The following EPS8 variants were observed in gnomAD, a reference collection of about 807,000 sequenced individuals.
The protein encoded by EPS8 is epidermal growth factor receptor kinase substrate 8.
In EPS8, 42 loss-of-function variants were observed where a neutral mutation model predicts 103.8. The observed-to-expected ratio is 0.40, with a 90% CI of 0.32 to 0.52. EPS8 has a LOEUF of 0.52. EPS8 is among the 20% of genes least tolerant of loss of function. EPS8 has a pLI of 0.40. For missense variants in EPS8, 969 were observed against 1,005.1 expected (o/e 0.96, Z 0.49); for synonymous variants, 344 against 344.6 (o/e 1.00, Z 0.02).
chr12:15,764,089 G>A lies in EPS8; in HGVS notation c.-22+25072C>T, dbSNP rs1591927668. On this transcript the variant is annotated intron_variant, in intron 1 of 20. Transcript: ENST00000281172. The surrounding 1 kb of genome is among the most constrained non-coding windows in gnomAD (Gnocchi z 4.1). ...ATGGACTCACAGTTCCACATGGCTA[G>A]GGAGGCCTCATAATCATGTCCAAAG... 1.3e-5 allele frequency among the ~76,000 whole-genome samples: 2 copies of A among 152,148 alleles called. No homozygotes were observed. The highest frequency in any genetic ancestry group is 2.1e-4 in the South Asian group (1 of 4,830).
At chr12:15,656,958 C>T (rs978161072) in intron 12 of EPS8, among the ~76,000 whole-genome samples, 4 of 152,072 alleles carry the variant, frequency 2.6e-5, no homozygotes, top group African/African-American at 9.7e-5. Context: ...GTCCAAGCAC[C>T]ATAATCCCCC....
chr12:15,680,329 A>G (rs1945982940), intron 3 of EPS8, among the ~76,000 whole-genome samples: 1 of 152,160 alleles, frequency 6.6e-6, no homozygotes, highest in Non-Finnish European at 1.5e-5. Flanking sequence ...ATAGCACATA[A>G]TATCGATAAT....
In EPS8 at chr12:15,702,418, A is replaced by G. The variant is rs771314316; in HGVS notation, c.-21-19446T>C. Among the ~76,000 whole-genome samples, 6 of 152,124 alleles carry G rather than the reference A, an allele frequency of 3.9e-5. No homozygotes were observed. The highest frequency in any genetic ancestry group is 6.5e-5 in the Admixed American group (1 of 15,278). ...TAGGAAGCACTTTTAAACTACAAAC[A>G]CTTCTGGGAGTAATAATGTATTATG... On this transcript the variant is annotated intron_variant, in intron 1 of 20. Transcript: ENST00000281172. This position sits in a 1 kb window ranked among gnomAD's most constrained non-coding sequence, Gnocchi z 5.1.
intron 17 of EPS8, among the ~76,000 whole-genome samples, chr12:15,634,494 T>C (rs911937669): frequency 1.3e-5 from 2 of 152,204 alleles, no homozygotes; most frequent in African/African-American, 4.8e-5. Context: ...AAGATCCTGA[T>C]TCATACAAGA....
chr12:15,660,295 C>A (rs1225028026), intron 10 of EPS8, among the ~76,000 whole-genome samples: 1 of 146,006 alleles, frequency 6.8e-6, no homozygotes, highest in Non-Finnish European at 1.5e-5. Context: ...TTTTTTTTGA[C>A]ATGGAGTTTC....
chr12:15,760,866 A>G lies in EPS8; in HGVS notation c.-22+28295T>C, dbSNP rs904991101. On this transcript the variant is annotated intron_variant, in intron 1 of 20. Coordinates refer to ENST00000281172, the MANE Select transcript of EPS8 (RefSeq NM_004447.6). The surrounding 1 kb of genome is among the most constrained non-coding windows in gnomAD (Gnocchi z 4.5). ...TCATATTGAATGGGGAAAACCTGAT[A>G]AGCCTTTCCTCTAAGATCTGGCACA... Among the ~76,000 whole-genome samples, 1 of 152,108 alleles carries G rather than the reference A, an allele frequency of 6.6e-6. No homozygotes were observed. Among genetic ancestry groups the G allele is most frequent in the African/African-American group, 2.4e-5 (1 of 41,444 alleles).
intron 18 of EPS8, among the ~76,000 whole-genome samples, chr12:15,626,693 G>A (rs1416802161): frequency 1.3e-5 from 2 of 149,330 alleles, no homozygotes; most frequent in East Asian, 3.9e-4. Context: ...ACATTCCCAA[G>A]TGATCCTAAT....
In EPS8 at chr12:15,759,749, T is replaced by G. The variant is rs184611589; in HGVS notation, c.-22+29412A>C. ...TCAATGAAGAAACTAAGAAGGAAAT[T>G]GAAGAATTTCTTGAAACAAATGATA... On this transcript the variant is annotated intron_variant, in intron 1 of 20. Transcript: ENST00000281172. This position sits in a 1 kb window ranked among gnomAD's most constrained non-coding sequence, Gnocchi z 4.9. Among the ~76,000 whole-genome samples, 374 of 152,104 alleles carry G rather than the reference T, an allele frequency of 2.5e-3. 2 individuals are homozygous for G. Among genetic ancestry groups the G allele is most frequent in the African/African-American group, 8.7e-3 (362 of 41,546 alleles).
rs912395636 is a variant in EPS8, at chr12:15,745,080, C to A, written c.-22+44081G>T. Among the ~76,000 whole-genome samples the A allele has an allele frequency of 1.3e-5, 2 of 152,114 alleles. No homozygotes were observed. Among genetic ancestry groups the A allele is most frequent in the African/African-American group, 2.4e-5 (1 of 41,432 alleles). ...GTTTCACCACGTTGGACAGGATGGT[C>A]TCGATCTCCTGACCTCGTGATCCAC... On this transcript the variant is annotated intron_variant, in intron 1 of 20. Coordinates refer to ENST00000281172, the MANE Select transcript of EPS8 (RefSeq NM_004447.6). The surrounding 1 kb of genome is among the most constrained non-coding windows in gnomAD (Gnocchi z 4.6).
intron 8 of EPS8, among the ~76,000 whole-genome samples, chr12:15,663,944 A>AAAAAAATAATAATAATAAT (rs1555112203): frequency 1.2e-5 from 1 of 85,976 alleles, no homozygotes; most frequent in African/African-American, 4.5e-5. Context: ...AAAAAAAAAA[A>AAAAAAATAATAATAATAAT]AATAATATAT....
rs1286319894 is a variant in EPS8 at position 15,781,557 on chromosome 12, AC to A, written c.-22+7603del. On this transcript the variant is annotated intron_variant, in intron 1 of 20. Coordinates refer to ENST00000281172, the MANE Select transcript of EPS8 (RefSeq NM_004447.6). This position sits in a 1 kb window ranked among gnomAD's most constrained non-coding sequence, Gnocchi z 4.1. ...AGTGAAAGAAGATAATGTATGTAAC[AC>A]CTGCCACACAAAAGGTACTATTATT... Among the ~76,000 whole-genome samples the A allele has an allele frequency of 6.6e-6, 1 of 152,172 alleles. No individual in the cohort carries two copies. Among genetic ancestry groups the A allele is most frequent in the Non-Finnish European group, 1.5e-5 (1 of 68,036 alleles).
Position 15,713,510 on chromosome 12 carries a change from T to TCA in EPS8, c.-21-30539_-21-30538insTG. Among the ~76,000 whole-genome samples, 1 of 152,248 alleles carries TCA rather than the reference T, an allele frequency of 6.6e-6. No individual in the cohort carries two copies. Among genetic ancestry groups the TCA allele is most frequent in the Non-Finnish European group, 1.5e-5 (1 of 68,012 alleles). ...TAATCACTGGAGTCTCTTCAGCACT[T>TCA]AAGTATAGATTGAAATTGGTAACAA... On this transcript the variant is annotated intron_variant, in intron 1 of 20. Coordinates refer to ENST00000281172, the MANE Select transcript of EPS8 (RefSeq NM_004447.6). This position sits in a 1 kb window ranked among gnomAD's most constrained non-coding sequence, Gnocchi z 4.8.
chr12:15,639,681 T>C (rs149860586), intron 17 of EPS8, among the ~76,000 whole-genome samples: 28 of 152,318 alleles, frequency 1.8e-4, no homozygotes, highest in African/African-American at 6.7e-4. Flanking sequence ...CAGGCATGAA[T>C]GTCATGAGGA....
In EPS8 at chr12:15,701,432, T is replaced by C. The variant is rs185392192; in HGVS notation, c.-21-18460A>G. ...TCAGTTTCTATGCTATGTCTGTATG[T>C]GTGACTCATCCCCCTTTAGAATACT... is the stretch of plus-strand genomic sequence containing the variant. On this transcript the variant is annotated intron_variant, in intron 1 of 20. Transcript: ENST00000281172. The surrounding 1 kb of genome is among the most constrained non-coding windows in gnomAD (Gnocchi z 5.1). 6.6e-6 allele frequency among the ~76,000 whole-genome samples: 1 copy of C among 152,342 alleles called. No individual in the cohort carries two copies. Among genetic ancestry groups the C allele is most frequent in the East Asian group, 1.9e-4 (1 of 5,190 alleles).
Position 15,662,091 on chromosome 12 carries a change from GT to G in EPS8, c.744del (p.Lys248AsnfsTer14). ...AWAADQGDFE[K>X]PRQYHEQEET... ...TCTTCCTGCTCATGATACTGCCTTG[GT>G]TTCTCAACTATAGAAAGGACAATCA... On this transcript the variant is annotated frameshift_variant, in exon 9 of 21. Transcript: ENST00000281172. LOFTEE classifies it high-confidence loss of function. The G allele has an allele frequency of 6.2e-7, 1 of 1,613,374 alleles. No individual in the cohort carries two copies. The highest frequency in any genetic ancestry group is 8.5e-7 in the Non-Finnish European group (1 of 1,179,380).
intron 20 of EPS8, among the ~76,000 whole-genome samples, chr12:15,621,845 C>G (rs1428027366): frequency 6.6e-6 from 1 of 152,112 alleles, no homozygotes; most frequent in Non-Finnish European, 1.5e-5. Context: ...CAGAATTCAC[C>G]CAGTTTCCCC....
chr12:15,730,151 A>G (rs918459419), intron 1 of EPS8, among the ~76,000 whole-genome samples: 2 of 152,186 alleles, frequency 1.3e-5, no homozygotes, highest in Non-Finnish European at 2.9e-5. Context: ...TAGTTTTGAT[A>G]ACCATATTGA....
At chr12:15,626,176 C>T (rs1002568001) in intron 18 of EPS8, among the ~76,000 whole-genome samples, 2 of 152,170 alleles carry the variant, frequency 1.3e-5, no homozygotes, top group Non-Finnish European at 2.9e-5. Context: ...TCCTGTTAGT[C>T]TGACCTCATA....
At chr12:15,770,005 T>A (rs1215627154) in intron 1 of EPS8, among the ~76,000 whole-genome samples, 1 of 151,658 alleles carries the variant, frequency 6.6e-6, no homozygotes, top group Non-Finnish European at 1.5e-5. Context: ...TGTAGTGGCA[T>A]GATCTTGGCT....
Sources: allele counts gnomAD v4.1 joint callset (sites outside exome capture counted in the v4.1 genomes callset), GRCh38; gene constraint gnomAD v4.1.1; non-coding constraint Gnocchi (gnomAD v3.1); transcripts MANE v1.5; gene names NCBI Gene and HGNC (gene_info 2026-07-23, HGNC 2026-07-21).